ITFG2: variants seen among roughly 807,000 people sequenced by gnomAD.
The protein encoded by ITFG2 is KICSTOR complex protein ITFG2.
ITFG2 carries 36 observed loss-of-function variants against 54.4 expected under a neutral mutation model. The observed-to-expected ratio is 0.66, with a 90% CI of 0.51 to 0.87. The LOEUF is 0.87. ITFG2 is among the 40% of genes least tolerant of loss of function. The probability of loss-of-function intolerance (pLI) is 0.00; values close to 1 mark genes in which losing one functional copy is unlikely to be tolerated. For synonymous variants in ITFG2, 211 were observed against 225.4 expected (o/e 0.94, Z 0.57); for missense variants, 524 against 576.7 (o/e 0.91, Z 0.94).
At chr12:2,833,726 G>C (rs915609125), upstream of ITFG2, among the ~76,000 whole-genome samples, 2 of 152,072 alleles carry the variant, frequency 1.3e-5, no homozygotes, top group Admixed American at 6.5e-5. Flanking sequence ...GTAATAGCTG[G>C]GGGAATAATA....
Position 2,821,303 on chromosome 12 carries a change from C to G in ITFG2, c.737C>G (p.Ser246Cys). The change falls in exon 7 of 12, where the codon TCT becomes TGT. Residue 246 changes from serine (S) to cysteine (C), a missense_variant. By Grantham distance (112) the Ser-to-Cys change is moderately radical. Transcript: ENST00000228799. The stretch of plus-strand genomic sequence containing the variant: ...CGAGACGTGGTGCTGCACCAGACAT[C>G]TGGCCGTATCCACAACAAGAATGTC... ...AARDVVLHQT[S>C]GRIHNKNVST... is the part of the protein sequence containing the mutation. 1 of 1,610,240 alleles carries G rather than the reference C, an allele frequency of 6.2e-7. No homozygotes were observed. The highest frequency in any genetic ancestry group is 8.5e-7 in the Non-Finnish European group (1 of 1,178,264).
At chr12:2,834,999 T>G, upstream of ITFG2, 1 of 1,540,854 alleles carries the variant, frequency 6.5e-7, no homozygotes, top group Non-Finnish European at 8.7e-7. Context: ...AGCAGCCGCG[T>G]CAGTCTCCAA....
At chr12:2,827,833 T>G, downstream of ITFG2, 4 of 1,605,602 alleles carry the variant, frequency 2.5e-6, no homozygotes, top group Non-Finnish European at 3.4e-6. This position sits in a 1 kb window ranked among gnomAD's most constrained non-coding sequence, Gnocchi z 4.0. Flanking sequence ...TGGGAACTCC[T>G]CGTGCTGCAG....
At chr12:2,825,850 T>C (rs959576559), downstream of ITFG2, 2 of 152,096 alleles carry the variant, frequency 1.3e-5, no homozygotes, top group Non-Finnish European at 2.9e-5. Flanking sequence ...ACAACCCCCA[T>C]CTCCCAGGTT....
chr12:2,859,629 G>T, exon 4 of ITFG2: 1 of 1,611,694 alleles, frequency 6.2e-7, no homozygotes, highest in Non-Finnish European at 8.5e-7. Context: ...TCCTGCAGAA[G>T]AAAGAGGAGC....
intron 3 of ITFG2, chr12:2,858,800 A>T (rs1752065398): frequency 2.5e-6 from 4 of 1,614,226 alleles, no homozygotes. Context: ...CTGCAAGGCC[A>T]GAAACCTGTG....
In ITFG2 at chr12:2,812,879, A is replaced by G. The variant is rs113815065; in HGVS notation, c.96+23A>G. ...ACGGTAGGTGCATGCGCACCGCAAG[A>G]GACAGCCTGGATCTGTGCAGGGACG... On this transcript the variant is annotated intron_variant, in intron 1 of 11. Coordinates refer to ENST00000228799, the MANE Select transcript of ITFG2 (RefSeq NM_018463.4). The G allele has an allele frequency of 2.1e-5, 33 of 1,589,322 alleles. No individual in the cohort carries two copies. In the African/African-American group the frequency reaches 2.1e-4, roughly 10 times the overall value.
downstream of ITFG2, chr12:2,828,164 G>T: frequency 1.7e-6 from 2 of 1,192,638 alleles, no homozygotes; most frequent in Non-Finnish European, 2.4e-6. Context: ...CTCACGTGGG[G>T]TCTAAATCCT....
chr12:2,821,668 C>G, intron 8 of ITFG2, 24 bp from the exon 9 acceptor site: 1 of 1,613,488 alleles, frequency 6.2e-7, no homozygotes, highest in Non-Finnish European at 8.5e-7. Context: ...CCCACCCACA[C>G]TCAGCCTGCC....
At position 2,824,293 on chromosome 12, in the gene ITFG2, A is replaced by T; in HGVS notation, c.*100A>T. 1.6e-6 allele frequency: 2 copies of T among 1,225,428 alleles called. No individual in the cohort carries two copies. The highest frequency in any genetic ancestry group is 2.4e-6 in the Non-Finnish European group (2 of 840,270). 75.9% of individuals were successfully genotyped at this position (1,225,428 alleles called of 1,614,324 possible). On this transcript the variant is annotated 3_prime_UTR_variant, in exon 12 of 12. Transcript: ENST00000228799. The stretch of plus-strand genomic sequence containing the variant: ...GCAGGATAGGGAATATGCATTACAG[A>T]AATGCAGGATTTGACTCTGGGCATG...
At chr12:2,849,079 A>G in intron 2 of ITFG2, 1 of 706,994 alleles carries the variant, frequency 1.4e-6, no homozygotes, top group Non-Finnish European at 2.3e-6. Context: ...TGGGGTACAG[A>G]GGTGGCTTGA....
At chr12:2,836,539 G>T (rs977591510), upstream of ITFG2, among the ~76,000 whole-genome samples, 1 of 152,178 alleles carries the variant, frequency 6.6e-6, no homozygotes, top group African/African-American at 2.4e-5. Context: ...GCAATTATAT[G>T]AAGAAATACT....
chr12:2,843,686 G>A lies in ITFG2; in HGVS notation n.300+2691G>A, dbSNP rs968151236. On this transcript the variant is annotated intron_variant and non_coding_transcript_variant, in intron 2 of 3. Coordinates refer to the ITFG2 transcript ENST00000537710. Reference sequence around the variant, plus strand: ...AAATTAGGTGGGCATGGTGGCGTGCGCCCATAGTCCCAGCTACTCAGGAAG... The same window carrying A: ...AAATTAGGTGGGCATGGTGGCGTGCACCCATAGTCCCAGCTACTCAGGAAG... 2.6e-5 allele frequency among the ~76,000 whole-genome samples: 4 copies of A among 152,114 alleles called. No individual in the cohort carries two copies. The East Asian group carries it at 5.8e-4, about 22-fold the overall frequency.
At position 2,857,238 on chromosome 12, in the gene ITFG2, T is replaced by A. The variant is rs1418862998; in HGVS notation, n.301-774T>A. On this transcript the variant is annotated intron_variant and non_coding_transcript_variant, in intron 2 of 3. Transcript: ENST00000537710. ...GATAGCACTTTCTTCAAGTTCTGAC[T>A]GCAAAAAACTGTAACAGGAGCTGCT... The A allele has an allele frequency of 3.4e-5, 20 of 581,844 alleles. No individual in the cohort carries two copies. In the Admixed American group the frequency reaches 5.9e-4, roughly 17 times the overall value. 36.0% of individuals were successfully genotyped at this position (581,844 alleles called of 1,614,324 possible). A position where few individuals can be genotyped will look rare whatever the true frequency, so the allele number is the denominator to read the frequency against.
chr12:2,828,359 A>G, downstream of ITFG2: 3 of 1,614,134 alleles, frequency 1.9e-6, no homozygotes, highest in Non-Finnish European at 2.5e-6. Context: ...TCCAGCAGAG[A>G]TCCGATTGTA....
At chr12:2,856,512 C>T (rs1019319111) in intron 2 of ITFG2, among the ~76,000 whole-genome samples, 45 of 152,216 alleles carry the variant, frequency 3.0e-4, no homozygotes, top group African/African-American at 9.4e-4. Context: ...ATTACAGGCG[C>T]GTGCCACCAT....
downstream of ITFG2, chr12:2,828,362 C>T (rs142486594): frequency 1.2e-5 from 19 of 1,614,020 alleles, no homozygotes; most frequent in Admixed American, 6.7e-5. Context: ...AGCAGAGATC[C>T]GATTGTATTG....
chr12:2,845,700 CTG>C lies in ITFG2; in HGVS notation n.300+4708_300+4709del, dbSNP rs2098051723. On this transcript the variant is annotated intron_variant and non_coding_transcript_variant, in intron 2 of 3. Transcript: ENST00000537710. This position sits in a 1 kb window ranked among gnomAD's most constrained non-coding sequence, Gnocchi z 4.2. The stretch of plus-strand genomic sequence containing the variant: ...CCTCCCTCTCAGAGCTGCACTCCAG[CTG>C]TGGTGAAAGAGTGGATCTTTAGGCA... Among the ~76,000 whole-genome samples, 1 of 152,088 alleles carries C rather than the reference CTG, an allele frequency of 6.6e-6. No homozygotes were observed. Among genetic ancestry groups the C allele is most frequent in the Non-Finnish European group, 1.5e-5 (1 of 68,018 alleles).
In ITFG2 at chr12:2,845,505, T is replaced by G. The variant is rs2098051277; in HGVS notation, n.300+4510T>G. Among the ~76,000 whole-genome samples the G allele has an allele frequency of 6.6e-6, 1 of 151,960 alleles. No individual in the cohort carries two copies. Among genetic ancestry groups the G allele is most frequent in the Admixed American group, 6.6e-5 (1 of 15,244 alleles). ...TCAGGTCATGACACCAAGATCAGGC[T>G]TGGAAAGGGGGAGGTGGAGGGAGGG... On this transcript the variant is annotated intron_variant and non_coding_transcript_variant, in intron 2 of 3. Transcript: ENST00000537710. This position sits in a 1 kb window ranked among gnomAD's most constrained non-coding sequence, Gnocchi z 4.2.
Sources: allele counts gnomAD v4.1 joint callset (sites outside exome capture counted in the v4.1 genomes callset), GRCh38; gene constraint gnomAD v4.1.1; non-coding constraint Gnocchi (gnomAD v3.1); transcripts MANE v1.5; gene names NCBI Gene and HGNC (gene_info 2026-07-23, HGNC 2026-07-21).